CEP83: variants seen among roughly 807,000 people sequenced by gnomAD.
The protein encoded by CEP83 is centrosomal protein 83, also known as centrosomal protein of 83 kDa.
Under a neutral mutation model 101.9 loss-of-function variants are expected in CEP83, and 70 were observed. The ratio of observed to expected loss-of-function variants is 0.69; its 90% CI spans 0.57 to 0.84. The LOEUF (loss-of-function observed/expected upper bound fraction) is 0.84, where lower values mean the gene tolerates loss of function less well. CEP83 is among the 40% of genes least tolerant of loss of function. The pLI is 0.00. For synonymous variants in CEP83, 264 were observed against 267.9 expected (o/e 0.99, Z 0.14); for missense variants, 715 against 787.2 (o/e 0.91, Z 1.10).
chr12:94,309,868 C>T (rs1969569762), intron 16 of CEP83, 50 bp downstream of exon 16: 2 of 1,216,138 alleles, frequency 1.6e-6, no homozygotes, highest in East Asian at 2.5e-5. Context: ...AACATAAAAA[C>T]CTACAAAAAT....
chr12:94,369,639 G>A (rs556531000), intron 9 of CEP83: 1 of 226,756 alleles, frequency 4.4e-6, no homozygotes, highest in Non-Finnish European at 8.5e-6. Flanking sequence ...ACCATAAATA[G>A]ATTTAAAATT....
At chr12:94,312,551 C>T in intron 15 of CEP83, 4 of 985,182 alleles carry the variant, frequency 4.1e-6, no homozygotes, top group Non-Finnish European at 4.8e-6. Flanking sequence ...AAAATCTCCA[C>T]ACCAGGAAAC....
At chr12:94,275,519 G>C in the CEP83 span, among the ~76,000 whole-genome samples, 1 of 152,166 alleles carries the variant, frequency 6.6e-6, no homozygotes, top group South Asian at 2.1e-4. Context: ...GAGGTGTTAA[G>C]AGGCTGACCC....
chr12:94,429,560 C>T (rs2065463649), intron 2 of CEP83, among the ~76,000 whole-genome samples: 1 of 152,188 alleles, frequency 6.6e-6, no homozygotes, highest in African/African-American at 2.4e-5. Context: ...ACATACCCAG[C>T]CCACAGCTAC....
At chr12:94,339,353 A>G (rs182932217) in intron 11 of CEP83, among the ~76,000 whole-genome samples, 1 of 152,344 alleles carries the variant, frequency 6.6e-6, no homozygotes, top group East Asian at 1.9e-4. Flanking sequence ...TTATACTCCA[A>G]CAGTGTTGTC....
the CEP83 span, among the ~76,000 whole-genome samples, chr12:94,286,365 G>C: frequency 3.3e-5 from 5 of 152,056 alleles, no homozygotes; most frequent in Non-Finnish European, 7.4e-5. Flanking sequence ...TTTTTTAAAG[G>C]CTGCTTGGAG....
chr12:94,339,335 C>G (rs1380613652), intron 11 of CEP83, among the ~76,000 whole-genome samples: 1 of 152,054 alleles, frequency 6.6e-6, no homozygotes, highest in Non-Finnish European at 1.5e-5. Flanking sequence ...GAATGCCTAC[C>G]CTTGAGTTTA....
the CEP83 span, among the ~76,000 whole-genome samples, chr12:94,274,155 TAAAAAAAAAAAAAAA>T: frequency 2.2e-4 from 10 of 45,370 alleles, no homozygotes; most frequent in South Asian, 3.1e-3. Flanking sequence ...ACCCTGTCTC[TAAAAAAAAAAAAAAA>T]AAAAAAAAAA....
chr12:94,450,651 A>T (rs894137945), intron 1 of CEP83, among the ~76,000 whole-genome samples: 4 of 152,242 alleles, frequency 2.6e-5, no homozygotes, highest in Admixed American at 6.5e-5. Context: ...GAATAAATTT[A>T]ACCAAATAAG....
intron 1 of CEP83, among the ~76,000 whole-genome samples, chr12:94,447,119 T>C (rs2066866528): frequency 6.6e-6 from 1 of 152,180 alleles, no homozygotes; most frequent in Non-Finnish European, 1.5e-5. Flanking sequence ...AAAGACATTT[T>C]CAGATAGATA....
rs2063209067 is a variant in CEP83, at chr12:94,400,809, C to A, written c.549+41G>T. 3 of 1,249,856 alleles carry A rather than the reference C, an allele frequency of 2.4e-6. No homozygotes were observed. The East Asian group carries it at 8.6e-5, about 36-fold the overall frequency. 77.4% of individuals were successfully genotyped at this position (1,249,856 alleles called of 1,614,324 possible). Reference sequence around the variant, plus strand: ...ATATATAATTATAAAATTGTGTTGACCAGAACAATAACAAAGAAACTCGTA... The same window carrying A: ...ATATATAATTATAAAATTGTGTTGAACAGAACAATAACAAAGAAACTCGTA... On this transcript the variant is annotated intron_variant, in intron 6 of 16. Coordinates refer to ENST00000397809, the MANE Select transcript of CEP83 (RefSeq NM_016122.3).
At chr12:94,355,794 G>A (rs956083245) in intron 11 of CEP83, among the ~76,000 whole-genome samples, 3 of 152,252 alleles carry the variant, frequency 2.0e-5, no homozygotes, top group African/African-American at 4.8e-5. Flanking sequence ...AAAAGCCTGA[G>A]CATCTGTGTC....
intron 11 of CEP83, among the ~76,000 whole-genome samples, chr12:94,359,214 A>T (rs1776363000): frequency 6.6e-6 from 1 of 152,126 alleles, no homozygotes; most frequent in African/African-American, 2.4e-5. Context: ...AAATCAGGGG[A>T]TTTCCCACTT....
chr12:94,316,747 G>A (rs1970762256), intron 14 of CEP83, among the ~76,000 whole-genome samples: 1 of 152,108 alleles, frequency 6.6e-6, no homozygotes, highest in Non-Finnish European at 1.5e-5. Context: ...CCTGGCAAAG[G>A]ACATTATCTC....
intron 1 of CEP83, among the ~76,000 whole-genome samples, chr12:94,452,877 G>T (rs1225102195): frequency 6.6e-6 from 1 of 152,126 alleles, no homozygotes; most frequent in Non-Finnish European, 1.5e-5. Flanking sequence ...TTAAGTAACT[G>T]GTTCAAAAAG....
At chr12:94,294,017 A>C in the CEP83 span, among the ~76,000 whole-genome samples, 11 of 152,252 alleles carry the variant, frequency 7.2e-5, no homozygotes, top group Admixed American at 5.9e-4. Context: ...ATACCATCAC[A>C]CTGGGATTAG....
At chr12:94,271,353 A>G in the CEP83 span, among the ~76,000 whole-genome samples, 1 of 152,226 alleles carries the variant, frequency 6.6e-6, no homozygotes, top group Non-Finnish European at 1.5e-5. Flanking sequence ...TAGCCAGATC[A>G]TCTTCCCATG....
chr12:94,423,319 A>T (rs1030827244), intron 2 of CEP83, among the ~76,000 whole-genome samples: 2 of 152,128 alleles, frequency 1.3e-5, no homozygotes, highest in East Asian at 3.9e-4. Flanking sequence ...CCCGACATCA[A>T]GTGATCCGCC....
At chr12:94,382,451 T>A (rs1287535995) in intron 6 of CEP83, among the ~76,000 whole-genome samples, 2 of 151,740 alleles carry the variant, frequency 1.3e-5, no homozygotes, top group Non-Finnish European at 2.9e-5. Flanking sequence ...TGTTCCCTCA[T>A]TTCTAATGCA....
Sources: allele counts gnomAD v4.1 joint callset (sites outside exome capture counted in the v4.1 genomes callset), GRCh38; gene constraint gnomAD v4.1.1; transcripts MANE v1.5; gene names NCBI Gene and HGNC (gene_info 2026-07-23, HGNC 2026-07-21).